GRM8: variants seen among roughly 807,000 people sequenced by gnomAD.
GRM8 encodes glutamate metabotropic receptor 8, also known as metabotropic glutamate receptor 8.
GRM8 carries 47 observed loss-of-function variants against 87.2 expected under a neutral mutation model. The observed-to-expected ratio is 0.54, with a 90% CI of 0.43 to 0.69. The LOEUF (loss-of-function observed/expected upper bound fraction) is 0.69, where lower values mean the gene tolerates loss of function less well. GRM8 is among the 30% of genes least tolerant of loss of function. The pLI is 0.00. For synonymous variants in GRM8, 396 were observed against 404.5 expected (o/e 0.98, Z 0.25); for missense variants, 1,019 against 1,139.2 (o/e 0.89, Z 1.52).
chr7:126,835,984 A>T (rs1795796866), intron 6 of GRM8, among the ~76,000 whole-genome samples: 1 of 152,240 alleles, frequency 6.6e-6, no homozygotes, highest in South Asian at 2.1e-4. Flanking sequence ...AAAAGCTGAC[A>T]ATCAGTCAAG....
In GRM8 at chr7:126,630,751, A is replaced by G. The variant is rs369245454; in HGVS notation, c.1358-21253T>C. Among the ~76,000 whole-genome samples, 9 of 152,192 alleles carry G rather than the reference A, an allele frequency of 5.9e-5. No individual in the cohort carries two copies. In the East Asian group the frequency reaches 1.5e-3, roughly 26 times the overall value. ...ATATACAAGTCAACAAATGTGATTC[A>G]TCATGTACACAGAACTAAAGATAAA... On this transcript the variant is annotated intron_variant, in intron 7 of 10. Coordinates refer to ENST00000339582, the MANE Select transcript of GRM8 (RefSeq NM_000845.3).
At chr7:126,484,025 C>T (rs1001992492) in intron 9 of GRM8, among the ~76,000 whole-genome samples, 6 of 151,966 alleles carry the variant, frequency 3.9e-5, no homozygotes, top group African/African-American at 1.4e-4. Flanking sequence ...AAGTGCTTTG[C>T]TTCATAATAA....
intron 3 of GRM8, among the ~76,000 whole-genome samples, chr7:127,096,383 A>C (rs1824655899): frequency 6.6e-6 from 1 of 152,082 alleles, no homozygotes; most frequent in Non-Finnish European, 1.5e-5. Flanking sequence ...AACATGGTGA[A>C]ACCCTATCTC....
At chr7:126,665,362 G>T (rs180827993) in intron 7 of GRM8, among the ~76,000 whole-genome samples, 1 of 152,204 alleles carries the variant, frequency 6.6e-6, no homozygotes, top group African/African-American at 2.4e-5. Flanking sequence ...GGTGCCTATC[G>T]ACAATGGACT....
intron 3 of GRM8, among the ~76,000 whole-genome samples, chr7:127,016,361 T>TA (rs1278378355): frequency 6.6e-6 from 1 of 151,960 alleles, no homozygotes; most frequent in East Asian, 1.9e-4. Context: ...GAAGTAAACT[T>TA]AAAAGGAAAC....
At chr7:127,240,704 G>T (rs924146476) in intron 2 of GRM8, among the ~76,000 whole-genome samples, 1 of 152,140 alleles carries the variant, frequency 6.6e-6, no homozygotes, top group Non-Finnish European at 1.5e-5. Context: ...GAGATGCCTT[G>T]GAGCAGGTGA....
intron 3 of GRM8, among the ~76,000 whole-genome samples, chr7:126,960,533 T>C (rs1809206445): frequency 6.6e-6 from 1 of 152,328 alleles, no homozygotes; most frequent in East Asian, 1.9e-4. Flanking sequence ...ATAAAACTTA[T>C]TGTATAAAGT....
chr7:126,785,420 T>C (rs929183756), intron 6 of GRM8, among the ~76,000 whole-genome samples: 15 of 152,112 alleles, frequency 9.9e-5, no homozygotes, highest in Non-Finnish European at 2.1e-4. Flanking sequence ...TAGTTGTACT[T>C]CATACCAATT....
At chr7:126,713,300 C>T (rs754001732) in intron 7 of GRM8, among the ~76,000 whole-genome samples, 2 of 152,120 alleles carry the variant, frequency 1.3e-5, no homozygotes, top group Non-Finnish European at 2.9e-5. Context: ...TCTGCAGGGA[C>T]AGGGATGAAG....
chr7:126,792,297 G>T (rs369121398), intron 6 of GRM8, among the ~76,000 whole-genome samples: 1 of 152,182 alleles, frequency 6.6e-6, no homozygotes, highest in East Asian at 1.9e-4. Flanking sequence ...GAAACCTAAA[G>T]TAATCAAAGC....
At chr7:127,015,610 A>G (rs1303384656) in intron 3 of GRM8, among the ~76,000 whole-genome samples, 2 of 152,162 alleles carry the variant, frequency 1.3e-5, no homozygotes, top group African/African-American at 4.8e-5. Flanking sequence ...AATTCCGACC[A>G]CTACCCTATT....
intron 6 of GRM8, among the ~76,000 whole-genome samples, chr7:126,895,194 T>C (rs1282981509): frequency 2.0e-5 from 3 of 152,120 alleles, no homozygotes; most frequent in Admixed American, 1.3e-4. Context: ...AGTAAGTATA[T>C]AAAGCTGGCT....
chr7:126,820,662 C>T (rs1382142577), intron 6 of GRM8, among the ~76,000 whole-genome samples: 2 of 152,202 alleles, frequency 1.3e-5, no homozygotes, highest in African/African-American at 4.8e-5. Flanking sequence ...ACAGCCTGGA[C>T]ATCCTCTACA....
intron 2 of GRM8, among the ~76,000 whole-genome samples, chr7:127,231,225 C>T (rs1181534912): frequency 6.6e-6 from 1 of 152,000 alleles, no homozygotes; most frequent in Non-Finnish European, 1.5e-5. Flanking sequence ...ATCTCTTACA[C>T]TATTCTACTT....
intron 2 of GRM8, among the ~76,000 whole-genome samples, chr7:127,236,209 T>C (rs1797973130): frequency 6.6e-6 from 1 of 152,232 alleles, no homozygotes; most frequent in African/African-American, 2.4e-5. Flanking sequence ...CGCAATTTCT[T>C]AATGTTAAAA....
chr7:126,944,785 A>G (rs1322807043), intron 3 of GRM8, among the ~76,000 whole-genome samples: 1 of 152,252 alleles, frequency 6.6e-6, no homozygotes, highest in Non-Finnish European at 1.5e-5. Context: ...TCAGGAAAAG[A>G]AAGCCAAACA....
chr7:126,557,765 G>A (rs1793303676), intron 8 of GRM8, among the ~76,000 whole-genome samples: 1 of 152,070 alleles, frequency 6.6e-6, no homozygotes. Context: ...CAACATATGT[G>A]TATGACAAAG....
chr7:127,085,470 ATT>A (rs967500873), intron 3 of GRM8, among the ~76,000 whole-genome samples: 7 of 152,096 alleles, frequency 4.6e-5, no homozygotes, highest in African/African-American at 1.7e-4. Context: ...CCTCTCCAGC[ATT>A]TGTTTCCTGA....
intron 9 of GRM8, among the ~76,000 whole-genome samples, chr7:126,451,344 T>A (rs1248228982): frequency 6.6e-6 from 1 of 151,768 alleles, no homozygotes; most frequent in Non-Finnish European, 1.5e-5. Context: ...TCCTTTTTTA[T>A]ACTCCCACCC....
Sources: allele counts gnomAD v4.1 joint callset (sites outside exome capture counted in the v4.1 genomes callset), GRCh38; gene constraint gnomAD v4.1.1; transcripts MANE v1.5; gene names NCBI Gene and HGNC (gene_info 2026-07-23, HGNC 2026-07-21).